The following DPP10 variants were observed in gnomAD, a reference collection of about 807,000 sequenced individuals.
DPP10 encodes dipeptidyl peptidase like 10.
Under a neutral mutation model 120.9 loss-of-function variants are expected in DPP10, and 33 were observed. That is an observed-to-expected ratio of 0.27 (90% CI 0.21 to 0.37). The LOEUF (loss-of-function observed/expected upper bound fraction) is 0.37. DPP10 is among the 10% of genes least tolerant of loss of function. The probability of loss-of-function intolerance (pLI) is 1.00; values close to 1 mark genes in which losing one functional copy is unlikely to be tolerated. For missense variants in DPP10, 816 were observed against 942.8 expected, an observed-to-expected ratio of 0.87 and a Z score of 1.76; for synonymous variants, 337 against 326.1, an observed-to-expected ratio of 1.03 and a Z score of -0.36.
intron 3 of DPP10, among the ~76,000 whole-genome samples, chr2:115,406,033 A>C (rs531114814): frequency 1.5e-4 from 23 of 152,184 alleles, no homozygotes; most frequent in Non-Finnish European, 3.1e-4. Flanking sequence ...TCTTCTGAAA[A>C]CAGTTTTATT....
chr2:115,344,052 C>T (rs2063585376), intron 3 of DPP10, 140 bp downstream of exon 3: 2 of 467,476 alleles, frequency 4.3e-6, no homozygotes, highest in African/African-American at 4.2e-5. Context: ...AGGAGAATCG[C>T]TTGAACCTGG....
chr2:114,551,541 G>T (rs2104874970), intron 1 of DPP10, among the ~76,000 whole-genome samples: 1 of 152,302 alleles, frequency 6.6e-6, no homozygotes, highest in East Asian at 1.9e-4. Context: ...TCCAGGCTGA[G>T]AGAAGTTTCC....
chr2:115,071,786 A>T (rs959281341), intron 1 of DPP10, among the ~76,000 whole-genome samples: 5 of 152,120 alleles, frequency 3.3e-5, no homozygotes, highest in Admixed American at 1.3e-4. Context: ...ACAATGCCTG[A>T]TCACCTTAGT....
At chr2:115,243,850 T>G (rs2058400507) in intron 1 of DPP10, among the ~76,000 whole-genome samples, 1 of 151,870 alleles carries the variant, frequency 6.6e-6, no homozygotes, top group African/African-American at 2.4e-5. Flanking sequence ...TCAAATATTG[T>G]TTATGCTTGA....
intron 5 of DPP10, among the ~76,000 whole-genome samples, chr2:115,603,570 G>GTT (rs61548055): frequency 0.24 from 23,532 of 98,634 alleles, 3,281 homozygotes; most frequent in African/African-American, 0.37. Context: ...GTTTTTTTTT[G>GTT]TTTTTTTTTT....
intron 1 of DPP10, among the ~76,000 whole-genome samples, chr2:114,548,300 T>C (rs369139467): frequency 6.6e-6 from 1 of 152,292 alleles, no homozygotes; most frequent in East Asian, 1.9e-4. Context: ...CATAGCACCA[T>C]GCTCAGAAAT....
intron 1 of DPP10, among the ~76,000 whole-genome samples, chr2:115,038,488 A>T (rs1213743829): frequency 3.9e-5 from 6 of 151,958 alleles, no homozygotes; most frequent in Non-Finnish European, 8.8e-5. Flanking sequence ...CGTGTTAGCC[A>T]GTATGGTCTC....
chr2:115,724,758 G>C (rs1279377202), intron 7 of DPP10, among the ~76,000 whole-genome samples: 3 of 152,198 alleles, frequency 2.0e-5, no homozygotes, highest in South Asian at 4.1e-4. Flanking sequence ...AGTGATTCAA[G>C]GTTCTGCAGG....
intron 1 of DPP10, among the ~76,000 whole-genome samples, chr2:115,148,207 G>C (rs2051337809): frequency 6.6e-6 from 1 of 152,150 alleles, no homozygotes; most frequent in South Asian, 2.1e-4. Flanking sequence ...CAATAAGAAA[G>C]AGTGGGCTCA....
intron 3 of DPP10, among the ~76,000 whole-genome samples, chr2:115,488,863 TA>T (rs1283042603): frequency 2.9e-5 from 2 of 69,290 alleles, no homozygotes; most frequent in African/African-American, 8.2e-5. Flanking sequence ...ACATGTACCC[TA>T]AAACTTAGAG....
At chr2:114,602,188 A>G (rs2105232851) in intron 1 of DPP10, among the ~76,000 whole-genome samples, 1 of 152,038 alleles carries the variant, frequency 6.6e-6, no homozygotes, top group South Asian at 2.1e-4. Context: ...ATTTTCCAAA[A>G]GAAAAAAATG....
At chr2:115,250,268 C>T (rs1301384466) in intron 1 of DPP10, among the ~76,000 whole-genome samples, 6 of 152,190 alleles carry the variant, frequency 3.9e-5, no homozygotes, top group African/African-American at 1.2e-4. Flanking sequence ...AAGACAGACT[C>T]ATTACCCAAG....
intron 1 of DPP10, among the ~76,000 whole-genome samples, chr2:114,582,137 C>T (rs1690579300): frequency 6.6e-6 from 1 of 152,216 alleles, no homozygotes. Context: ...CCCTCAACCC[C>T]TGACAACCAC....
intron 1 of DPP10, among the ~76,000 whole-genome samples, chr2:114,766,322 T>C (rs1680700785): frequency 6.6e-6 from 1 of 152,124 alleles, no homozygotes; most frequent in African/African-American, 2.4e-5. Context: ...AGACCCTGGA[T>C]TTCTTAGACA....
At chr2:115,368,335 G>T (rs1201765093) in intron 3 of DPP10, among the ~76,000 whole-genome samples, 1 of 151,910 alleles carries the variant, frequency 6.6e-6, no homozygotes, top group Non-Finnish European at 1.5e-5. Flanking sequence ...GGGAGTCCAG[G>T]AGCACAGGAT....
intron 3 of DPP10, among the ~76,000 whole-genome samples, chr2:115,348,879 A>G (rs2063847127): frequency 6.6e-6 from 1 of 152,112 alleles, no homozygotes; most frequent in African/African-American, 2.4e-5. Flanking sequence ...CTGCAGCAAT[A>G]TCAAATTGCT....
chr2:115,697,735 C>T (rs1024029927), intron 7 of DPP10, among the ~76,000 whole-genome samples: 1 of 152,116 alleles, frequency 6.6e-6, no homozygotes, highest in African/African-American at 2.4e-5. Context: ...CCTGTAATCC[C>T]AGCACTTTAG....
intron 1 of DPP10, among the ~76,000 whole-genome samples, chr2:115,082,719 C>T (rs964871267): frequency 1.3e-5 from 2 of 152,184 alleles, no homozygotes; most frequent in African/African-American, 4.8e-5. Flanking sequence ...AGCCAGTGAA[C>T]CTACCAGCTA....
chr2:115,471,007 ATGTTCT>A (rs2074677440), intron 3 of DPP10, among the ~76,000 whole-genome samples: 1 of 151,990 alleles, frequency 6.6e-6, no homozygotes, highest in South Asian at 2.1e-4. Flanking sequence ...TACCTCTATT[ATGTTCT>A]TGTAAGTGAT....
Sources: allele counts gnomAD v4.1 joint callset (sites outside exome capture counted in the v4.1 genomes callset), GRCh38; gene constraint gnomAD v4.1.1; transcripts MANE v1.5; gene names NCBI Gene and HGNC (gene_info 2026-07-23, HGNC 2026-07-21).